WDSUB1: variants seen among roughly 807,000 people sequenced by gnomAD.
WDSUB1 encodes WD repeat, SAM and U-box domain-containing protein 1.
Under a neutral mutation model 53.9 loss-of-function variants are expected in WDSUB1, and 49 were observed. The ratio of observed to expected loss-of-function variants is 0.91; its 90% confidence interval spans 0.72 to 1.15. WDSUB1 has a LOEUF of 1.15. Among genes scored for constraint, WDSUB1 ranks in the 50% most tolerant of loss-of-function variants. WDSUB1 has a pLI of 0.00. For missense variants in WDSUB1, 514 were observed against 562.0 expected (o/e 0.91, Z 0.86); for synonymous variants, 194 against 200.6 (o/e 0.97, Z 0.28).
At chr2:159,258,168 A>C (rs1412039009) in intron 6 of WDSUB1, among the ~76,000 whole-genome samples, 183 bp from the exon 7 acceptor site, 1 of 152,204 alleles carries the variant, frequency 6.6e-6, no homozygotes, top group Non-Finnish European at 1.5e-5. Flanking sequence ...ATTCTCAGGT[A>C]CTTACTTCAC....
chr2:159,282,486 C>T (rs2061687093), intron 2 of WDSUB1, among the ~76,000 whole-genome samples, 186 bp downstream of exon 2: 1 of 152,226 alleles, frequency 6.6e-6, no homozygotes, highest in South Asian at 2.1e-4. Context: ...GCCACAGCAC[C>T]TGGCCCAGTT....
chr2:159,254,884 A>G (rs1209970760), intron 9 of WDSUB1, among the ~76,000 whole-genome samples: 1 of 152,128 alleles, frequency 6.6e-6, no homozygotes, highest in Non-Finnish European at 1.5e-5. Context: ...TAATCCCAAC[A>G]CTTTGGGAGG....
chr2:159,248,438 C>T lies in WDSUB1; in HGVS notation c.1207G>A (p.Gly403Arg), dbSNP rs373369677. ...LRTKVKSLSSGIPDEFICPIT... is the reference protein window; with the variant it reads ...LRTKVKSLSSRIPDEFICPIT... ...GGACATATAAATTCATCAGGAATTC[C>T]TGAAGAAAGGGATTTAACCTTGGTC... Residue 403 changes from glycine to arginine, a missense_variant, in exon 10 of 11, where the codon GGA becomes AGA. Transcript: ENST00000359774. 6.2e-7 allele frequency: 1 copy of T among 1,607,434 alleles called. No individual in the cohort carries two copies. Among genetic ancestry groups the T allele is most frequent in the Non-Finnish European group, 8.5e-7 (1 of 1,177,948 alleles).
chr2:159,275,153 T>G (rs1242397316), intron 4 of WDSUB1, among the ~76,000 whole-genome samples: 1 of 152,144 alleles, frequency 6.6e-6, no homozygotes, highest in East Asian at 1.9e-4. Context: ...CAAAATAAGC[T>G]TCCTGACTGA....
chr2:159,277,696 TAACAAA>T (rs2061572189), intron 3 of WDSUB1, among the ~76,000 whole-genome samples: 1 of 152,052 alleles, frequency 6.6e-6, no homozygotes, highest in South Asian at 2.1e-4. Context: ...TTACAGATAA[TAACAAA>T]TACGAAATTA....
chr2:159,258,485 C>G (rs1471533002), intron 6 of WDSUB1, among the ~76,000 whole-genome samples: 2 of 152,078 alleles, frequency 1.3e-5, no homozygotes, highest in Non-Finnish European at 2.9e-5. Context: ...ACGGTGAAAC[C>G]CCATCCCTAT....
At chr2:159,255,437 G>A (rs573465084) in intron 9 of WDSUB1, among the ~76,000 whole-genome samples, 52 of 151,878 alleles carry the variant, frequency 3.4e-4, no homozygotes, top group African/African-American at 9.9e-4. Flanking sequence ...ACTGCACACC[G>A]GCCTGGGTGA....
At chr2:159,282,067 TA>T (rs70994284) in intron 2 of WDSUB1, among the ~76,000 whole-genome samples, 4 of 149,888 alleles carry the variant, frequency 2.7e-5, no homozygotes, top group Admixed American at 2.0e-4. Context: ...CTCTTACAAT[TA>T]AAAAAAAAAC....
chr2:159,279,812 CT>C lies in WDSUB1; in HGVS notation c.531del (p.Ala178HisfsTer48). On this transcript the variant is annotated frameshift_variant, in exon 3 of 11. Coordinates refer to ENST00000359774, the MANE Select transcript of WDSUB1 (RefSeq NM_001128212.3). LOFTEE classifies it high-confidence loss of function. Reference protein sequence around the residue: ...DDKMRCLHSEKAHDLGITCCD... With the variant: ...DDKMRCLHSEXAHDLGITCCD... ...CAGCAGGTAATTCCAAGATCATGTGCTTTTTCACTATGCAGACACCTCATTT... is the reference window on the plus strand; with the variant it reads ...CAGCAGGTAATTCCAAGATCATGTGCTTTTCACTATGCAGACACCTCATTT... 6.2e-7 allele frequency: 1 copy of C among 1,609,746 alleles called. No individual in the cohort carries two copies.
chr2:159,256,314 T>A lies in WDSUB1; in HGVS notation c.1014A>T (p.Ser338=). ...TTAAATCTTGTGCACAAAGCCATGT[T>A]GAGACATCCTCCTCTGACCAATCTT... ...FTEDWSEEDV[S]TWLCAQDLKD... Residue 338 remains serine, a synonymous_variant, in exon 9 of 11, where the codon TCA becomes TCT. Transcript: ENST00000359774. The A allele has an allele frequency of 6.2e-7, 1 of 1,612,680 alleles. No individual in the cohort carries two copies. Among genetic ancestry groups the A allele is most frequent in the South Asian group, 1.1e-5 (1 of 90,600 alleles).
intron 9 of WDSUB1, among the ~76,000 whole-genome samples, chr2:159,249,412 AG>A (rs1262200920): frequency 1.3e-5 from 2 of 152,202 alleles, no homozygotes; most frequent in African/African-American, 4.8e-5. Flanking sequence ...TTTTAGAACT[AG>A]TTGACAGTTC....
intron 5 of WDSUB1, among the ~76,000 whole-genome samples, chr2:159,263,797 G>A (rs561884618): frequency 2.6e-5 from 4 of 152,146 alleles, no homozygotes; most frequent in Admixed American, 6.5e-5. Flanking sequence ...GGTAAAATAC[G>A]TTATATAATT....
Position 159,235,799 on chromosome 2 carries a change from T to TTAAAG in WDSUB1, c.*229_*233dup. On this transcript the variant is annotated 3_prime_UTR_variant, in exon 11 of 11. Transcript: ENST00000359774. Reference sequence around the variant, plus strand: ...TTTAAAAAACTTAGGACACTGCAATTTAAAGTATAACTTTATTTCTATATA... The same window carrying TTAAAG: ...TTTAAAAAACTTAGGACACTGCAATTTAAAGTAAAGTATAACTTTATTTCTATATA... 4 of 323,190 alleles carry TTAAAG rather than the reference T, an allele frequency of 1.2e-5. No individual in the cohort carries two copies. Among genetic ancestry groups the TTAAAG allele is most frequent in the Non-Finnish European group, 2.2e-5 (4 of 182,534 alleles). 20.0% of individuals were successfully genotyped at this position (323,190 alleles called of 1,614,324 possible). A position where few individuals can be genotyped will look rare whatever the true frequency, so the allele number is the denominator to read the frequency against.
At chr2:159,241,781 C>T (rs1215148981) in intron 10 of WDSUB1, among the ~76,000 whole-genome samples, 4 of 135,576 alleles carry the variant, frequency 3.0e-5, no homozygotes, top group African/African-American at 9.1e-5. Context: ...GGCATGATCT[C>T]GGCTCACTGC....
chr2:159,262,505 C>A (rs2061247362), intron 5 of WDSUB1, among the ~76,000 whole-genome samples: 1 of 145,706 alleles, frequency 6.9e-6, no homozygotes. Context: ...AGTAGGAGAC[C>A]ACTGAATCCA....
intron 8 of WDSUB1, 69 bp downstream of exon 8, chr2:159,257,689 G>T: frequency 1.4e-6 from 2 of 1,417,166 alleles, no homozygotes; most frequent in Non-Finnish European, 2.0e-6. Context: ...TGCCCAGCCC[G>T]ATTTACTAAC....
chr2:159,261,231 T>TAA (rs2151098724), intron 5 of WDSUB1, among the ~76,000 whole-genome samples: 1 of 152,334 alleles, frequency 6.6e-6, no homozygotes, highest in South Asian at 2.1e-4. Flanking sequence ...TTAGGTATTA[T>TAA]AAGTAATCTA....
chr2:159,247,927 A>ATTT, intron 10 of WDSUB1, among the ~76,000 whole-genome samples: 1 of 68,936 alleles, frequency 1.5e-5, no homozygotes, highest in South Asian at 4.8e-4. Context: ...ATATATATAT[A>ATTT]AATATATATA....
Position 159,236,246 on chromosome 2 carries a change from C to A in WDSUB1, c.1274-56G>T, listed in dbSNP as rs7609153. 6.6e-3 allele frequency: 10,091 copies of A among 1,529,648 alleles called. 375 individuals are homozygous for A. In the African/African-American group the frequency reaches 0.096, roughly 15 times the overall value. The allele number at this position is 1,529,648 out of a possible 1,614,324, so 94.8% of individuals were successfully genotyped here. A position where few individuals can be genotyped will look rare whatever the true frequency, so the allele number is the denominator to read the frequency against. ...ATGTAGGAAAGGGAAATGAGGATGT[C>A]TAAAATGAAGTGAATGTAAAAACTC... On this transcript the variant is annotated intron_variant, in intron 10 of 10. Coordinates refer to ENST00000359774, the MANE Select transcript of WDSUB1 (RefSeq NM_001128212.3).
Sources: gnomAD v4.1 joint callset for allele counts (sites outside exome capture counted in the v4.1 genomes callset) on GRCh38, gnomAD v4.1.1 for gene constraint, MANE v1.5 for transcripts, NCBI Gene and HGNC (gene_info 2026-07-23, HGNC 2026-07-21) for gene names.